Variants in ZNF425 observed in about 807,000 individuals in gnomAD.
ZNF425 encodes zinc finger protein 425.
A neutral mutation model predicts 17.0 loss-of-function variants in ZNF425; 21 were observed. The observed-to-expected ratio is 1.23, with a 90% CI of 0.88 to 1.78. The LOEUF (loss-of-function observed/expected upper bound fraction) is 1.78. ZNF425 is among the 40% of genes most tolerant of loss of function. The pLI, the probability that ZNF425 is intolerant of heterozygous loss-of-function variation, is 0.00. For synonymous variants in ZNF425, 433 were observed against 384.1 expected, an observed-to-expected ratio of 1.13 and a Z score of -1.49; for missense variants, 868 against 967.3, an observed-to-expected ratio of 0.90 and a Z score of 1.36.
At position 149,103,513 on chromosome 7, in the gene ZNF425, C is replaced by T. The variant is rs1355384659; in HGVS notation, c.*99G>A. 2.8e-6 allele frequency: 4 copies of T among 1,430,212 alleles called. No homozygotes were observed. The highest frequency in any genetic ancestry group is 3.7e-6 in the Non-Finnish European group (4 of 1,081,676). 88.6% of individuals were successfully genotyped at this position (1,430,212 alleles called of 1,614,324 possible). A position where few individuals can be genotyped will look rare whatever the true frequency, so the allele number is the denominator to read the frequency against. Reference sequence around the variant, plus strand: ...GATTACAGGCGGGAGCCACTGTGCCCGATCTTACCCTGTGAATCCTTCAAC... The same window carrying T: ...GATTACAGGCGGGAGCCACTGTGCCTGATCTTACCCTGTGAATCCTTCAAC... On this transcript the variant is annotated 3_prime_UTR_variant, in exon 4 of 4. Transcript: ENST00000378061.
chr7:149,104,320 C>A lies in ZNF425; in HGVS notation c.1551G>T (p.Leu517=). 6.2e-7 allele frequency: 1 copy of A among 1,613,472 alleles called. No homozygotes were observed. Among genetic ancestry groups the A allele is most frequent in the African/African-American group, 1.3e-5 (1 of 75,060 alleles). Residue 517 remains leucine, a synonymous_variant, in exon 4 of 4, where the codon CTG becomes CTT. Transcript: ENST00000378061. This position sits in a 1 kb window ranked among gnomAD's most constrained non-coding sequence, Gnocchi z 4.3. ...FSQQSRLTQH[L]KVHTTEKPFS... is the part of the protein sequence containing the mutation. ...ACGGCTTTTCCGTGGTGTGGACCTT[C>A]AGGTGCTGCGTGAGCCGCGACTGCT...
Position 149,104,664 on chromosome 7 carries a change from C to A in ZNF425, c.1207G>T (p.Glu403Ter), listed in dbSNP as rs757575288. The change falls in exon 4 of 4, where the codon GAG (glutamate) becomes TAG (stop). Residue 403 changes from glutamate (E) to a stop codon, truncating the protein, a stop_gained. Coordinates refer to ENST00000378061, the MANE Select transcript of ZNF425 (RefSeq NM_001001661.3). LOFTEE classifies it low-confidence loss of function (END_TRUNC). This position sits in a 1 kb window ranked among gnomAD's most constrained non-coding sequence, Gnocchi z 4.3. ...RKFIYKIKLD[E>*]HIRVHTGEKP... ...TCTCCCGTGTGAACTCTGATGTGCT[C>A]GTCCAGCTTAATCTTGTAGATGAAT... The A allele has an allele frequency of 6.2e-7, 1 of 1,614,110 alleles. No homozygotes were observed. The highest frequency in any genetic ancestry group is 2.2e-5 in the East Asian group (1 of 44,874).
chr7:149,106,608 C>T (rs1471014032), intron 3 of ZNF425, among the ~76,000 whole-genome samples: 1 of 152,172 alleles, frequency 6.6e-6, no homozygotes, highest in East Asian at 1.9e-4. Context: ...CTTTGTCAAT[C>T]TGCCTCCTGC....
At position 149,105,256 on chromosome 7, in the gene ZNF425, C is replaced by G. The variant is rs1406481408; in HGVS notation, c.615G>C (p.Leu205Phe). Residue 205 changes from leucine (L) to phenylalanine (F), a missense_variant, in exon 4 of 4, where the codon TTG becomes TTC. Around this residue, in one of 5 missense-constraint regions of ZNF425, gnomAD observed 243 missense variants for 265.2 expected, o/e 0.92. Transcript: ENST00000378061. ...CRKVFQVRRD[L>F]LKHKRSHSKS... ...TGGAGTGGCTCCGTTTGTGCTTTAG[C>G]AAATCCCTCCTTACTTGGAAGACTT... is the stretch of plus-strand genomic sequence containing the variant. 6.2e-7 allele frequency: 1 copy of G among 1,614,074 alleles called. No homozygotes were observed. The highest frequency in any genetic ancestry group is 8.5e-7 in the Non-Finnish European group (1 of 1,180,042).
intron 3 of ZNF425, among the ~76,000 whole-genome samples, chr7:149,109,012 C>G (rs901925613): frequency 3.2e-3 from 18 of 5,542 alleles, no homozygotes; most frequent in African/African-American, 0.012. Flanking sequence ...TCCCATGTCC[C>G]ACTATGTCCC....
chr7:149,114,007 C>T (rs960959824), intron 2 of ZNF425, among the ~76,000 whole-genome samples: 1 of 104,042 alleles, frequency 9.6e-6, no homozygotes, highest in East Asian at 4.0e-4. Context: ...GAGAGAGACT[C>T]TGTCTAAAAA....
intron 1 of ZNF425, chr7:149,118,560 C>T (rs1190637233): frequency 3.2e-5 from 18 of 561,682 alleles, no homozygotes; most frequent in Non-Finnish European, 4.9e-5. Flanking sequence ...CGCCTGTAAT[C>T]CCAGCACTTT....
intron 2 of ZNF425, among the ~76,000 whole-genome samples, chr7:149,115,171 A>G (rs1428569102): frequency 6.8e-6 from 1 of 147,786 alleles, no homozygotes; most frequent in East Asian, 2.0e-4. Context: ...GCTGGTCTCA[A>G]ACTCCTTATC....
At chr7:149,106,208 C>A (rs1401631980) in intron 3 of ZNF425, among the ~76,000 whole-genome samples, 1 of 151,952 alleles carries the variant, frequency 6.6e-6, no homozygotes, top group East Asian at 1.9e-4. Context: ...CCACCTCAGC[C>A]TCCCAAAGTG....
At chr7:149,119,549 C>T (rs1034684278) in intron 1 of ZNF425, among the ~76,000 whole-genome samples, 1 of 152,162 alleles carries the variant, frequency 6.6e-6, no homozygotes, top group Non-Finnish European at 1.5e-5. Flanking sequence ...GTAACCACCA[C>T]TGCAATCAAA....
In ZNF425 at chr7:149,103,791, A is replaced by G; in HGVS notation, c.2080T>C (p.Phe694Leu). The G allele has an allele frequency of 6.2e-7, 1 of 1,614,142 alleles. No individual in the cohort carries two copies. Among genetic ancestry groups the G allele is most frequent in the Non-Finnish European group, 8.5e-7 (1 of 1,180,018 alleles). Residue 694 changes from phenylalanine to leucine, a missense_variant, in exon 4 of 4, where the codon TTC (phenylalanine) becomes CTC (leucine). Around this residue, in one of 5 missense-constraint regions of ZNF425, gnomAD observed 437 missense variants for 444.2 expected, o/e 0.98. Coordinates refer to ENST00000378061, the MANE Select transcript of ZNF425 (RefSeq NM_001001661.3). ...HLYKHSGERP[F>L]QCPECGKGFL... ...CCTTTGCCACACTCGGGACACTGGA[A>G]GGGCCTCTCTCCACTGTGCTTATAC...
chr7:149,126,016 G>T, intron 1 of ZNF425, 180 bp downstream of exon 1: 1 of 1,318,234 alleles, frequency 7.6e-7, no homozygotes, highest in Non-Finnish European at 1.1e-6. Context: ...GTCAATTCCA[G>T]AACAGCACAC....
At chr7:149,106,959 T>G (rs777262644) in intron 3 of ZNF425, among the ~76,000 whole-genome samples, 2 of 151,852 alleles carry the variant, frequency 1.3e-5, no homozygotes, top group Non-Finnish European at 2.9e-5. Flanking sequence ...ATACACAGAT[T>G]AGCTGGGTGT....
chr7:149,105,534 CCT>C lies in ZNF425; in HGVS notation c.335_336del (p.Glu112GlyfsTer44). 10 of 1,515,156 alleles carry C rather than the reference CCT, an allele frequency of 6.6e-6. No individual in the cohort carries two copies. The highest frequency in any genetic ancestry group is 8.8e-6 in the Non-Finnish European group (10 of 1,135,958). 93.9% of individuals were successfully genotyped at this position (1,515,156 alleles called of 1,614,324 possible). A position where few individuals can be genotyped will look rare whatever the true frequency, so the allele number is the denominator to read the frequency against. The stretch of plus-strand genomic sequence containing the variant: ...TTTTGAGGACCATTTAAACGGCAAT[CCT>C]CTTCTTTTGTCCTGGGAGTTCCTTC... Reference protein sequence around the residue: ...DDEGTPRTKEEDCRLNGPQKQ... With the variant: ...DDEGTPRTKEXDCRLNGPQKQ... On this transcript the variant is annotated frameshift_variant, in exon 4 of 4. Coordinates refer to ENST00000378061, the MANE Select transcript of ZNF425 (RefSeq NM_001001661.3). LOFTEE classifies it low-confidence loss of function (END_TRUNC).
At chr7:149,124,224 T>G (rs1585493308) in intron 1 of ZNF425, among the ~76,000 whole-genome samples, 1 of 138,656 alleles carries the variant, frequency 7.2e-6, no homozygotes, top group Admixed American at 7.2e-5. Flanking sequence ...GGCGTGATCT[T>G]GGCTCACTGC....
chr7:149,104,949 C>T lies in ZNF425; in HGVS notation c.922G>A (p.Gly308Ser), dbSNP rs368638545. ...TCGCACTGCTGCACGAAGGCCCGGC[C>T]GCACTCCCCGCAGCAGAACGGCCGC... ...GERPFCCGECGRAFVQQCELT... is the reference protein window; with the variant it reads ...GERPFCCGECSRAFVQQCELT... The change falls in exon 4 of 4, where the codon GGC becomes AGC. Residue 308 changes from glycine to serine, a missense_variant. By Grantham distance (56) the Gly-to-Ser change is moderately conservative (BLOSUM62 0). Transcript: ENST00000378061. This position sits in a 1 kb window ranked among gnomAD's most constrained non-coding sequence, Gnocchi z 4.3. The T allele has an allele frequency of 5.6e-6, 9 of 1,613,846 alleles. No individual in the cohort carries two copies. Among genetic ancestry groups the T allele is most frequent in the South Asian group, 2.2e-5 (2 of 91,070 alleles).
chr7:149,103,691 C>A lies in ZNF425; in HGVS notation c.2180G>T (p.Cys727Phe). The change falls in exon 4 of 4, where the codon TGT becomes TTT. Residue 727 changes from cysteine to phenylalanine, a missense_variant. By Grantham distance (205) the Cys-to-Phe change is radical. This residue lies in a region of ZNF425 where 437 missense variants were observed against 444.2 expected (regional missense o/e 0.98). Coordinates refer to ENST00000378061, the MANE Select transcript of ZNF425 (RefSeq NM_001001661.3). ...CCCCACGTACGTGAAGCTCCTTCCA[C>A]ACTCATCACAAGAAAAAGGCCTCTC... is the stretch of plus-strand genomic sequence containing the variant. ...SGERPFSCDE[C>F]GRSFTYVGAL... 1 of 1,614,182 alleles carries A rather than the reference C, an allele frequency of 6.2e-7. No individual in the cohort carries two copies. Among genetic ancestry groups the A allele is most frequent in the South Asian group, 1.1e-5 (1 of 91,086 alleles).
At chr7:149,122,610 G>A (rs905064791) in intron 1 of ZNF425, among the ~76,000 whole-genome samples, 1 of 152,094 alleles carries the variant, frequency 6.6e-6, no homozygotes, top group African/African-American at 2.4e-5. Context: ...ACTTCCCACT[G>A]TGCCCTAGGT....
intron 3 of ZNF425, among the ~76,000 whole-genome samples, 185 bp from the exon 4 acceptor site, chr7:149,105,751 C>T (rs1233330785): frequency 6.6e-6 from 1 of 151,556 alleles, no homozygotes; most frequent in African/African-American, 2.4e-5. Flanking sequence ...CCCGGGTTCA[C>T]GCCATTCTAC....
Sources: allele counts gnomAD v4.1 joint callset (sites outside exome capture counted in the v4.1 genomes callset), GRCh38; gene constraint gnomAD v4.1.1; regional missense constraint gnomAD v4.1.1; non-coding constraint Gnocchi (gnomAD v3.1); transcripts MANE v1.5; gene names NCBI Gene and HGNC (gene_info 2026-07-23, HGNC 2026-07-21).